FARP1: variants seen among roughly 807,000 people sequenced by gnomAD.
The protein encoded by FARP1 is FERM, ARH/RhoGEF and pleckstrin domain protein 1, also known as FERM, ARHGEF and pleckstrin domain-containing protein 1.
A neutral mutation model predicts 128.8 loss-of-function variants in FARP1; 52 were observed. That is an observed-to-expected ratio of 0.40 (90% CI 0.32 to 0.51). FARP1 has a LOEUF of 0.51. Among genes scored for constraint, FARP1 ranks in the 20% least tolerant of loss-of-function variants. FARP1 has a pLI of 0.45. For missense variants in FARP1, 1,333 were observed against 1,367.9 expected, an observed-to-expected ratio of 0.97 and a Z score of 0.40; for synonymous variants, 580 against 551.8, an observed-to-expected ratio of 1.05 and a Z score of -0.72.
intron 1 of FARP1, among the ~76,000 whole-genome samples, chr13:98,185,678 A>G (rs1878815021): frequency 6.7e-6 from 1 of 150,002 alleles, no homozygotes; most frequent in Admixed American, 6.6e-5. Flanking sequence ...GTGGTAAAAT[A>G]TGCATAAAAT....
At chr13:98,239,213 C>G (rs1246146492) in intron 2 of FARP1, among the ~76,000 whole-genome samples, 1 of 152,166 alleles carries the variant, frequency 6.6e-6, no homozygotes, top group Non-Finnish European at 1.5e-5. Flanking sequence ...CCCAAGGGAA[C>G]AAGTGCCGGT....
chr13:98,200,391 C>CCG (rs1555327078), intron 1 of FARP1, among the ~76,000 whole-genome samples: 1 of 137,282 alleles, frequency 7.3e-6, no homozygotes, highest in Non-Finnish European at 1.5e-5. Flanking sequence ...ACCTTCACCC[C>CCG]CCCCCCCTCC....
intron 1 of FARP1, among the ~76,000 whole-genome samples, chr13:98,143,939 C>T (rs1875293112): frequency 6.6e-6 from 1 of 151,844 alleles, no homozygotes; most frequent in South Asian, 2.1e-4. Flanking sequence ...GGCGCGGATG[C>T]CGCCGGGTGC....
At chr13:98,268,138 ATG>A (rs199975399) in intron 2 of FARP1, among the ~76,000 whole-genome samples, 34 of 152,202 alleles carry the variant, frequency 2.2e-4, no homozygotes, top group Admixed American at 2.2e-3. Context: ...TTTTGGGGAC[ATG>A]TGAAAATGAC....
intron 2 of FARP1, among the ~76,000 whole-genome samples, chr13:98,235,821 C>CT (rs546997027): frequency 0.47 from 64,752 of 136,730 alleles, 17,144 homozygotes; most frequent in African/African-American, 0.75. Flanking sequence ...TCACCTCTGT[C>CT]TTTTTTTTTT....
chr13:98,292,296 G>A (rs1885485188), intron 2 of FARP1, among the ~76,000 whole-genome samples: 2 of 152,176 alleles, frequency 1.3e-5, no homozygotes, highest in South Asian at 2.1e-4. Context: ...TTTGCTTCCC[G>A]TTTGTCCAGT....
intron 2 of FARP1, among the ~76,000 whole-genome samples, chr13:98,256,991 A>ATATATAT (rs1883649663): frequency 8.4e-6 from 1 of 119,716 alleles, no homozygotes; most frequent in Non-Finnish European, 1.7e-5. Flanking sequence ...ATATATATAT[A>ATATATAT]CCGAAAGATT....
At chr13:98,439,843 G>C in intron 21 of FARP1, 118 bp from the exon 22 acceptor site, 1 of 705,266 alleles carries the variant, frequency 1.4e-6, no homozygotes, top group Non-Finnish European at 2.4e-6. Flanking sequence ...GGGGCTCTGG[G>C]TCTCCTGAGC....
At chr13:98,326,018 T>G (rs1221788215) in intron 2 of FARP1, among the ~76,000 whole-genome samples, 15 of 152,250 alleles carry the variant, frequency 9.9e-5, no homozygotes, top group Admixed American at 9.8e-4. Context: ...TAATAAATGC[T>G]TCTGAAATTT....
At chr13:98,334,776 C>T (rs1167029665) in intron 2 of FARP1, among the ~76,000 whole-genome samples, 21 of 152,196 alleles carry the variant, frequency 1.4e-4, no homozygotes, top group Admixed American at 1.0e-3. Context: ...AGAGGGCTCT[C>T]GCTTGCTGTC....
At chr13:98,370,597 G>T (rs994145434) in intron 5 of FARP1, among the ~76,000 whole-genome samples, 3 of 146,868 alleles carry the variant, frequency 2.0e-5, no homozygotes, top group African/African-American at 5.0e-5. Context: ...GGTGTTGGGG[G>T]TTACTAAAAT....
intron 1 of FARP1, among the ~76,000 whole-genome samples, chr13:98,196,566 G>A (rs765250189): frequency 6.6e-6 from 1 of 152,188 alleles, no homozygotes; most frequent in Non-Finnish European, 1.5e-5. Context: ...CCATGAATGA[G>A]AAACCTAAAA....
intron 1 of FARP1, among the ~76,000 whole-genome samples, chr13:98,178,680 C>T (rs1368830619): frequency 6.6e-6 from 1 of 152,180 alleles, no homozygotes; most frequent in Non-Finnish European, 1.5e-5. Flanking sequence ...TGAGATTCAG[C>T]TCACTTGTAG....
rs41300600 is a variant in FARP1, at chr13:98,176,638, T to C, written c.-24+33146T>C. On this transcript the variant is annotated intron_variant, in intron 1 of 26. Coordinates refer to ENST00000319562, the MANE Select transcript of FARP1 (RefSeq NM_005766.4). This position sits in a 1 kb window ranked among gnomAD's most constrained non-coding sequence, Gnocchi z 6.2. The stretch of plus-strand genomic sequence containing the variant: ...CCCGAAGCCACAGAAGCCAGTCTCC[T>C]TGTAGTCCTTGCAGATGTCAGGCTG... The C allele has an allele frequency of 3.7e-3, 5,999 of 1,614,218 alleles. 141 individuals are homozygous for C. In the African/African-American group the frequency reaches 0.054, roughly 15 times the overall value.
intron 2 of FARP1, among the ~76,000 whole-genome samples, chr13:98,337,984 G>T (rs142391493): frequency 2.6e-4 from 39 of 152,288 alleles, no homozygotes; most frequent in African/African-American, 8.9e-4. Flanking sequence ...AAGATCTCAT[G>T]TAAAGAAAAT....
At chr13:98,358,317 G>A (rs1175805384) in intron 3 of FARP1, among the ~76,000 whole-genome samples, 1 of 151,940 alleles carries the variant, frequency 6.6e-6, no homozygotes, top group South Asian at 2.1e-4. Context: ...AGGCTGGGGC[G>A]CTCACAGGGA....
chr13:98,387,284 G>A (rs1363366558), intron 8 of FARP1, among the ~76,000 whole-genome samples: 1 of 152,188 alleles, frequency 6.6e-6, no homozygotes, highest in African/African-American at 2.4e-5. Context: ...CTGGGTGACA[G>A]AGCAAGACTG....
intron 2 of FARP1, among the ~76,000 whole-genome samples, chr13:98,256,286 AGGTT>A (rs1883581452): frequency 6.6e-6 from 1 of 152,194 alleles, no homozygotes; most frequent in African/African-American, 2.4e-5. Context: ...TTAAAATTCG[AGGTT>A]TTTAAAAAAG....
chr13:98,232,676 T>C (rs1192275050), intron 2 of FARP1, among the ~76,000 whole-genome samples: 1 of 152,236 alleles, frequency 6.6e-6, no homozygotes, highest in South Asian at 2.1e-4. Flanking sequence ...ACATTTTTTT[T>C]ATGCACTGGG....
Sources: allele counts gnomAD v4.1 joint callset (sites outside exome capture counted in the v4.1 genomes callset), GRCh38; gene constraint gnomAD v4.1.1; non-coding constraint Gnocchi (gnomAD v3.1); transcripts MANE v1.5; gene names NCBI Gene and HGNC (gene_info 2026-07-23, HGNC 2026-07-21).